Variants in ECSIT observed in about 807,000 individuals in gnomAD.
ECSIT encodes the protein ECSIT signaling integrator, also known as evolutionarily conserved signaling intermediate in Toll pathway, mitochondrial.
ECSIT carries 29 observed loss-of-function variants against 36.8 expected under a neutral mutation model. The ratio of observed to expected loss-of-function variants is 0.79; its 90% CI spans 0.59 to 1.08. The LOEUF is 1.08. ECSIT is among the 50% of genes least tolerant of loss of function. ECSIT has a pLI of 0.00. For synonymous variants in ECSIT, 231 were observed against 234.8 expected, an observed-to-expected ratio of 0.98 and a Z score of 0.15; for missense variants, 542 against 581.0, an observed-to-expected ratio of 0.93 and a Z score of 0.69.
chr19:11,518,491 A>G (rs981711076), intron 2 of ECSIT, among the ~76,000 whole-genome samples: 1 of 152,074 alleles, frequency 6.6e-6, no homozygotes, highest in African/African-American at 2.4e-5. Context: ...CAGGGGGCTG[A>G]GGTGGGAGGC....
intron 1 of ECSIT, among the ~76,000 whole-genome samples, chr19:11,525,021 C>T (rs1362063876): frequency 6.6e-6 from 1 of 152,028 alleles, no homozygotes; most frequent in African/African-American, 2.4e-5. Context: ...CCTATAATCC[C>T]AGCTACTAGG....
intron 4 of ECSIT, among the ~76,000 whole-genome samples, chr19:11,509,261 C>T (rs1358198896): frequency 6.6e-6 from 1 of 150,850 alleles, no homozygotes; most frequent in Admixed American, 6.6e-5. Flanking sequence ...TTAGTAGAGA[C>T]AGGGTTTCTC....
chr19:11,516,712 G>A (rs112078584), intron 2 of ECSIT, among the ~76,000 whole-genome samples: 5,409 of 148,768 alleles, frequency 0.036, 132 homozygotes, highest in Admixed American at 0.071. Flanking sequence ...CACACAAAAC[G>A]CTAACAAGTA....
intron 2 of ECSIT, among the ~76,000 whole-genome samples, chr19:11,515,104 C>A (rs906376502): frequency 7.9e-6 from 1 of 127,224 alleles, no homozygotes; most frequent in East Asian, 2.2e-4. Flanking sequence ...CTCCCCAAGT[C>A]TTTTTTTTTT....
chr19:11,517,280 TA>T (rs36093578), intron 2 of ECSIT, among the ~76,000 whole-genome samples: 2,917 of 142,070 alleles, frequency 0.021, 61 homozygotes, highest in African/African-American at 0.057. Flanking sequence ...AAGGCAATGT[TA>T]AAAAAAAAAA....
chr19:11,516,717 CAAGT>C (rs1972007210), intron 2 of ECSIT, among the ~76,000 whole-genome samples: 2 of 150,190 alleles, frequency 1.3e-5, no homozygotes, highest in South Asian at 4.2e-4. Context: ...AAAACGCTAA[CAAGT>C]AAGAGCCAAT....
At chr19:11,509,148 C>T (rs1599576628) in intron 4 of ECSIT, among the ~76,000 whole-genome samples, 3 of 151,008 alleles carry the variant, frequency 2.0e-5, no homozygotes, top group South Asian at 2.1e-4. Context: ...TCTCAGCTCA[C>T]CGCAACCTCC....
chr19:11,524,030 C>T (rs568977762), intron 1 of ECSIT, among the ~76,000 whole-genome samples: 1 of 152,138 alleles, frequency 6.6e-6, no homozygotes, highest in East Asian at 1.9e-4. Context: ...AGCAATCCTC[C>T]CACCACTGCC....
chr19:11,510,164 T>G (rs73512794), intron 4 of ECSIT, among the ~76,000 whole-genome samples: 4 of 151,770 alleles, frequency 2.6e-5, no homozygotes, highest in African/African-American at 9.7e-5. Flanking sequence ...TAAGCCACCA[T>G]GCCTGGCTAA....
intron 7 of ECSIT, among the ~76,000 whole-genome samples, chr19:11,506,904 A>ACTTCACC (rs2144962670): frequency 6.6e-6 from 1 of 151,798 alleles, no homozygotes; most frequent in South Asian, 2.1e-4. Context: ...CCCACTCCAC[A>ACTTCACC]CTTCACCCGG....
chr19:11,507,410 G>T (rs776565085), intron 7 of ECSIT, 47 bp downstream of exon 7: 16 of 1,498,644 alleles, frequency 1.1e-5, no homozygotes, highest in Non-Finnish European at 1.5e-5. Flanking sequence ...AGGAGGGCTG[G>T]GATTACGAGC....
At chr19:11,513,656 G>A (rs1177600374) in intron 3 of ECSIT, 148 bp downstream of exon 3, 7 of 944,118 alleles carry the variant, frequency 7.4e-6, no homozygotes, top group Non-Finnish European at 1.1e-5. Context: ...AAAGAGAGAT[G>A]AGTGATGAAA....
chr19:11,522,547 C>CA, intron 1 of ECSIT: 1 of 703,806 alleles, frequency 1.4e-6, no homozygotes. Context: ...AGGAACGCCC[C>CA]GGTAAAAAAA....
Position 11,519,287 on chromosome 19 carries a change from G to T in ECSIT, c.-23-94C>A. ...GGGTCGAGGGCACACTCCAGATTAT[G>T]TGGCTCACTCACCAGCCCCAATGTT... On this transcript the variant is annotated intron_variant, in intron 1 of 7. Coordinates refer to ENST00000270517, the MANE Select transcript of ECSIT (RefSeq NM_016581.5). The surrounding 1 kb of genome is among the most constrained non-coding windows in gnomAD (Gnocchi z 4.4). 1 of 809,376 alleles carries T rather than the reference G, an allele frequency of 1.2e-6. No individual in the cohort carries two copies. The highest frequency in any genetic ancestry group is 2.1e-6 in the Non-Finnish European group (1 of 484,500). The allele number at this position is 809,376 out of a possible 1,614,324, so 50.1% of individuals were successfully genotyped here.
intron 6 of ECSIT, 41 bp downstream of exon 6, chr19:11,507,661 C>T: frequency 6.2e-7 from 1 of 1,613,954 alleles, no homozygotes; most frequent in Non-Finnish European, 8.5e-7. Flanking sequence ...AGTGCCAGCC[C>T]ACTCCCCAGC....
rs1971902369 is a variant in ECSIT at position 11,513,018 on chromosome 19, C to G, written c.738+38G>C. 6 of 1,602,238 alleles carry G rather than the reference C, an allele frequency of 3.7e-6. No individual in the cohort carries two copies. In the East Asian group the frequency reaches 1.3e-4, roughly 36 times the overall value. On this transcript the variant is annotated intron_variant, in intron 4 of 7. Transcript: ENST00000270517. ...AGGGGAGGAATGGCGGGAGCCTGGC[C>G]TGGGGTGGCAGCTGACGCTGTAGAC...
intron 1 of ECSIT, among the ~76,000 whole-genome samples, chr19:11,522,792 C>T (rs765798926): frequency 3.9e-5 from 6 of 152,066 alleles, no homozygotes; most frequent in Non-Finnish European, 8.8e-5. Flanking sequence ...GAAAAAAGGT[C>T]GGGCACGGTG....
intron 2 of ECSIT, among the ~76,000 whole-genome samples, chr19:11,518,503 C>T (rs1319341844): frequency 6.6e-6 from 1 of 152,066 alleles, no homozygotes; most frequent in Admixed American, 6.6e-5. Flanking sequence ...GTGGGAGGCT[C>T]ATTTGAGCCC....
chr19:11,523,787 C>G, intron 1 of ECSIT: 2 of 662,104 alleles, frequency 3.0e-6, no homozygotes, highest in Non-Finnish European at 5.6e-6. Context: ...CAAGGAGTCT[C>G]AGGCCAAGGA....
Sources: gnomAD v4.1 joint callset for allele counts (sites outside exome capture counted in the v4.1 genomes callset) on GRCh38, gnomAD v4.1.1 for gene constraint, Gnocchi (gnomAD v3.1) non-coding constraint, MANE v1.5 for transcripts, NCBI Gene and HGNC (gene_info 2026-07-23, HGNC 2026-07-21) for gene names.